Variants in RALGPS2 observed in about 807,000 individuals in gnomAD.
The protein encoded by RALGPS2 is ras-specific guanine nucleotide-releasing factor RalGPS2.
A neutral mutation model predicts 86.8 loss-of-function variants in RALGPS2; 43 were observed. The observed-to-expected ratio is 0.50, with a 90% confidence interval of 0.39 to 0.64. The LOEUF (loss-of-function observed/expected upper bound fraction) is 0.64, where lower values mean the gene tolerates loss of function less well. RALGPS2 is among the 30% of genes least tolerant of loss of function. The pLI is 0.00. For synonymous variants in RALGPS2, 243 were observed against 231.3 expected, an observed-to-expected ratio of 1.05 and a Z score of -0.46; for missense variants, 536 against 694.6, an observed-to-expected ratio of 0.77 and a Z score of 2.57.
At chr1:178,746,586 C>T (rs145898860) in intron 1 of RALGPS2, 12 of 694,308 alleles carry the variant, frequency 1.7e-5, no homozygotes, top group Non-Finnish European at 2.1e-5. Context: ...AGAGGGTTAG[C>T]GAGCCTCACT....
chr1:178,851,510 C>CT (rs141735334), intron 8 of RALGPS2, among the ~76,000 whole-genome samples: 6,046 of 152,010 alleles, frequency 0.04, 160 homozygotes, highest in African/African-American at 0.068. Flanking sequence ...CTTGAATTGC[C>CT]TTTTTTTAAC....
At chr1:178,856,666 C>G (rs771629376) in intron 8 of RALGPS2, among the ~76,000 whole-genome samples, 10 of 151,864 alleles carry the variant, frequency 6.6e-5, no homozygotes, top group Admixed American at 1.3e-4. Context: ...AAGTAGTCAT[C>G]ATCGGTAATT....
At chr1:178,869,472 G>A (rs1658614766) in intron 8 of RALGPS2, among the ~76,000 whole-genome samples, 2 of 151,976 alleles carry the variant, frequency 1.3e-5, no homozygotes, top group Non-Finnish European at 2.9e-5. Flanking sequence ...TGTAATTTGG[G>A]GTTCAGATTA....
intron 1 of RALGPS2, among the ~76,000 whole-genome samples, chr1:178,759,285 A>G (rs1652111579): frequency 1.3e-5 from 2 of 152,126 alleles, no homozygotes; most frequent in African/African-American, 4.8e-5. Flanking sequence ...ATTCTTCTAT[A>G]CATGGATATC....
chr1:178,737,573 CTCT>C (rs1270699647), intron 1 of RALGPS2, among the ~76,000 whole-genome samples: 1 of 152,074 alleles, frequency 6.6e-6, no homozygotes, highest in Non-Finnish European at 1.5e-5. Context: ...GATGATCAAT[CTCT>C]TCTTTTGTTT....
intron 2 of RALGPS2, among the ~76,000 whole-genome samples, chr1:178,780,036 T>C (rs534785500): frequency 6.6e-6 from 1 of 152,174 alleles, no homozygotes; most frequent in Non-Finnish European, 1.5e-5. Context: ...ATCCGGCCAA[T>C]GTGTTGTTAA....
At chr1:178,814,806 G>A (rs1655150567) in intron 6 of RALGPS2, among the ~76,000 whole-genome samples, 1 of 152,092 alleles carries the variant, frequency 6.6e-6, no homozygotes, top group African/African-American at 2.4e-5. Flanking sequence ...ATTTATATAT[G>A]CTCACTAGCA....
intron 5 of RALGPS2, among the ~76,000 whole-genome samples, chr1:178,810,009 G>A (rs1352762098): frequency 6.6e-6 from 1 of 151,996 alleles, no homozygotes; most frequent in Non-Finnish European, 1.5e-5. Context: ...GCTGCTGGGC[G>A]GCTGAGACAG....
intron 18 of RALGPS2, among the ~76,000 whole-genome samples, chr1:178,904,865 T>C (rs991619012): frequency 6.6e-6 from 1 of 152,152 alleles, no homozygotes; most frequent in Non-Finnish European, 1.5e-5. Flanking sequence ...TTTAGAATTG[T>C]TTTTTCTGAT....
intron 1 of RALGPS2, chr1:178,753,511 G>C (rs763604412): frequency 6.6e-6 from 1 of 152,154 alleles, no homozygotes; most frequent in Non-Finnish European, 1.5e-5. Context: ...GGTCCAAAAA[G>C]CTGTTCCTCG....
intron 8 of RALGPS2, among the ~76,000 whole-genome samples, chr1:178,868,880 G>A (rs1194221095): frequency 6.6e-6 from 1 of 151,930 alleles, no homozygotes; most frequent in Non-Finnish European, 1.5e-5. Context: ...AGCAGGGCAA[G>A]GAGCCACATT....
At chr1:178,819,114 C>T (rs1655375649) in intron 6 of RALGPS2, among the ~76,000 whole-genome samples, 1 of 151,618 alleles carries the variant, frequency 6.6e-6, no homozygotes, top group Non-Finnish European at 1.5e-5. Context: ...TCAGCCTCCC[C>T]AGTAGCTGGG....
intron 1 of RALGPS2, among the ~76,000 whole-genome samples, chr1:178,744,102 G>T (rs1558098326): frequency 6.6e-6 from 1 of 152,126 alleles, no homozygotes; most frequent in African/African-American, 2.4e-5. Context: ...ACATACAAAA[G>T]TTCTAACCAT....
chr1:178,770,929 C>T (rs1652781072), intron 1 of RALGPS2, among the ~76,000 whole-genome samples: 1 of 150,416 alleles, frequency 6.6e-6, no homozygotes, highest in African/African-American at 2.5e-5. Flanking sequence ...ACCTCCCCGT[C>T]GCGGGATCAA....
chr1:178,805,360 A>G (rs1202635726), intron 4 of RALGPS2, among the ~76,000 whole-genome samples: 1 of 151,560 alleles, frequency 6.6e-6, no homozygotes, highest in Non-Finnish European at 1.5e-5. Flanking sequence ...GCCCATGCCT[A>G]TGTCCTGAAT....
At chr1:178,731,003 T>G (rs1650316551) in intron 1 of RALGPS2, among the ~76,000 whole-genome samples, 2 of 152,188 alleles carry the variant, frequency 1.3e-5, no homozygotes, top group African/African-American at 4.8e-5. Flanking sequence ...TGGCTGATTC[T>G]GAGAATTCTT....
chr1:178,802,529 C>G (rs142918611), intron 4 of RALGPS2, among the ~76,000 whole-genome samples: 1 of 152,086 alleles, frequency 6.6e-6, no homozygotes, highest in Non-Finnish European at 1.5e-5. Context: ...TGTGATAATA[C>G]AATTTACTGG....
chr1:178,856,341 CCTCAGCCTCCCAA>C (rs1266601547), intron 8 of RALGPS2, among the ~76,000 whole-genome samples: 4 of 146,658 alleles, frequency 2.7e-5, no homozygotes, highest in African/African-American at 1.0e-4. Context: ...GATCCTCCCA[CCTCAGCCTCCCAA>C]GTAGCTAGGA....
chr1:178,743,565 C>T (rs1175635509), intron 1 of RALGPS2, among the ~76,000 whole-genome samples: 2 of 151,886 alleles, frequency 1.3e-5, no homozygotes, highest in Admixed American at 6.6e-5. Flanking sequence ...TTGATGTTGC[C>T]ATGGAACTAA....
Sources: gnomAD v4.1 joint callset for allele counts (sites outside exome capture counted in the v4.1 genomes callset) on GRCh38, gnomAD v4.1.1 for gene constraint, MANE v1.5 for transcripts, NCBI Gene and HGNC (gene_info 2026-07-23, HGNC 2026-07-21) for gene names.